The following SDK1 variants were observed in gnomAD, a reference collection of about 807,000 sequenced individuals.
SDK1 encodes sidekick cell adhesion molecule 1, also known as protein sidekick-1.
A neutral mutation model predicts 245.5 loss-of-function variants in SDK1; 157 were observed. That is an observed-to-expected ratio of 0.64 (90% CI 0.56 to 0.73). SDK1 has a LOEUF of 0.73. Among genes scored for constraint, SDK1 ranks in the 30% least tolerant of loss-of-function variants. The pLI is 0.00. For missense variants in SDK1, 3,583 were observed against 3,002.3 expected (o/e 1.19, Z -4.52); for synonymous variants, 1,647 against 1,278.5 (o/e 1.29, Z -6.15).
chr7:4,111,282 T>C (rs6970287), intron 23 of SDK1, among the ~76,000 whole-genome samples: 70,601 of 151,966 alleles, frequency 0.46, 17,445 homozygotes, highest in African/African-American at 0.62. Flanking sequence ...AATCCTTGGC[T>C]TTAACAAAGG....
chr7:3,975,668 A>G (rs1782866627), intron 13 of SDK1, among the ~76,000 whole-genome samples: 1 of 152,212 alleles, frequency 6.6e-6, no homozygotes, highest in Non-Finnish European at 1.5e-5. Context: ...CTATTTGTGG[A>G]TATAAAAGGT....
intron 1 of SDK1, among the ~76,000 whole-genome samples, chr7:3,429,350 G>A (rs1167098515): frequency 6.6e-6 from 1 of 152,094 alleles, no homozygotes. Flanking sequence ...TTGTTATTTA[G>A]AACTTTTCTG....
chr7:3,565,908 T>C (rs1037257817), intron 1 of SDK1, among the ~76,000 whole-genome samples: 3 of 152,216 alleles, frequency 2.0e-5, no homozygotes, highest in Non-Finnish European at 2.9e-5. Context: ...AACCCACAGA[T>C]GCAGAGGATG....
intron 17 of SDK1, among the ~76,000 whole-genome samples, chr7:4,031,342 G>C (rs2128158594): frequency 6.6e-6 from 1 of 152,172 alleles, no homozygotes; most frequent in African/African-American, 2.4e-5. Context: ...CATATTATTA[G>C]TCTGTAATCT....
At chr7:4,005,811 G>C (rs534591817) in intron 14 of SDK1, among the ~76,000 whole-genome samples, 1 of 152,296 alleles carries the variant, frequency 6.6e-6, no homozygotes, top group South Asian at 2.1e-4. Context: ...CAGACAGATT[G>C]CTTGAGTCCA....
intron 1 of SDK1, among the ~76,000 whole-genome samples, chr7:3,524,251 C>T (rs59804549): frequency 4.6e-5 from 7 of 152,050 alleles, no homozygotes; most frequent in Non-Finnish European, 7.4e-5. Flanking sequence ...TATTTGGAGT[C>T]AGATGACAAG....
At chr7:3,846,631 C>T (rs1241608487) in intron 5 of SDK1, among the ~76,000 whole-genome samples, 2 of 152,194 alleles carry the variant, frequency 1.3e-5, no homozygotes, top group African/African-American at 2.4e-5. Flanking sequence ...TCCCTCCTGT[C>T]CTAAAGAGTA....
At chr7:3,792,220 C>A (rs1027739730) in intron 4 of SDK1, among the ~76,000 whole-genome samples, 3 of 152,130 alleles carry the variant, frequency 2.0e-5, no homozygotes, top group South Asian at 2.1e-4. Flanking sequence ...TCCAGCCCCC[C>A]ACTTCCATGC....
chr7:4,130,215 G>A (rs1214958939), intron 27 of SDK1, 118 bp downstream of exon 27: 2 of 1,172,114 alleles, frequency 1.7e-6, no homozygotes, highest in African/African-American at 1.6e-5. Flanking sequence ...TTCTTTTGCA[G>A]TTGAGGGAAA....
At chr7:3,677,271 C>T (rs989007057) in intron 4 of SDK1, among the ~76,000 whole-genome samples, 2 of 151,998 alleles carry the variant, frequency 1.3e-5, no homozygotes, top group Admixed American at 6.6e-5. Context: ...GCATCTTTGG[C>T]CCTGGATTCT....
At chr7:3,405,792 T>G (rs1583810741) in intron 1 of SDK1, among the ~76,000 whole-genome samples, 2 of 150,966 alleles carry the variant, frequency 1.3e-5, no homozygotes, top group East Asian at 3.9e-4. Context: ...TTGTGCTTAA[T>G]TTTCTTTTCT....
intron 21 of SDK1, among the ~76,000 whole-genome samples, chr7:4,078,988 G>A (rs933981119): frequency 2.2e-4 from 33 of 152,292 alleles, no homozygotes; most frequent in African/African-American, 6.3e-4. Context: ...GATCCTGACC[G>A]GGTGTCACGC....
chr7:3,367,779 A>T (rs1196015414), intron 1 of SDK1, among the ~76,000 whole-genome samples: 1 of 152,238 alleles, frequency 6.6e-6, no homozygotes, highest in East Asian at 1.9e-4. Context: ...TAGTAGAGCC[A>T]TGTACCTCCA....
At chr7:3,671,764 A>G (rs1246520845) in intron 4 of SDK1, among the ~76,000 whole-genome samples, 1 of 152,226 alleles carries the variant, frequency 6.6e-6, no homozygotes, top group Non-Finnish European at 1.5e-5. Flanking sequence ...GAGTTTTATA[A>G]TGAGATTAAA....
At chr7:3,864,189 A>C (rs1472072850) in intron 5 of SDK1, among the ~76,000 whole-genome samples, 1 of 152,226 alleles carries the variant, frequency 6.6e-6, no homozygotes, top group African/African-American at 2.4e-5. Flanking sequence ...TGTGCCTGGA[A>C]CTGGCTCACT....
At chr7:4,073,665 A>G (rs150850927) in intron 20 of SDK1, among the ~76,000 whole-genome samples, 4 of 152,300 alleles carry the variant, frequency 2.6e-5, no homozygotes, top group African/African-American at 9.6e-5. Context: ...TTAGCGATTG[A>G]CCAGGTGTGA....
chr7:3,864,452 A>T (rs1353187242), intron 5 of SDK1, among the ~76,000 whole-genome samples: 2 of 152,236 alleles, frequency 1.3e-5, no homozygotes, highest in African/African-American at 4.8e-5. Flanking sequence ...CCATCTGTTG[A>T]AGAATAAGAC....
chr7:3,964,776 G>A (rs1043130641), intron 9 of SDK1, among the ~76,000 whole-genome samples: 3 of 152,180 alleles, frequency 2.0e-5, no homozygotes, highest in African/African-American at 7.2e-5. Context: ...GTCACTGTGT[G>A]CACAGCCAAG....
chr7:3,596,837 G>A (rs1396786427), intron 1 of SDK1, among the ~76,000 whole-genome samples: 2 of 152,086 alleles, frequency 1.3e-5, no homozygotes, highest in Admixed American at 1.3e-4. Context: ...TAACACTTAT[G>A]AACAGAAAAA....
Sources: allele counts gnomAD v4.1 joint callset (sites outside exome capture counted in the v4.1 genomes callset), GRCh38; gene constraint gnomAD v4.1.1; transcripts MANE v1.5; gene names NCBI Gene and HGNC (gene_info 2026-07-23, HGNC 2026-07-21).